Variants in KLF8 observed in about 807,000 individuals in gnomAD.
KLF8 encodes KLF transcription factor 8.
In KLF8, 10 loss-of-function variants were observed where a neutral mutation model predicts 18.2. The observed-to-expected ratio is 0.55, with a 90% CI of 0.34 to 0.93. KLF8 has a LOEUF of 0.93. Ranked by LOEUF, KLF8 falls within the 40% of genes least tolerant of loss-of-function variation. The probability of loss-of-function intolerance (pLI) is 0.02; values close to 1 mark genes in which losing one functional copy is unlikely to be tolerated. For missense variants in KLF8, 264 were observed against 277.9 expected (o/e 0.95, Z 0.36); for synonymous variants, 109 against 97.3 (o/e 1.12, Z -0.71).
chrX:56,210,234 T>C, the KLF8 span, among the ~76,000 whole-genome samples: 1 of 112,063 alleles, frequency 8.9e-6, no homozygotes, highest in African/African-American at 3.2e-5. Flanking sequence ...AGGTCTGGTA[T>C]TCATGAAATT....
chrX:55,935,844 A>G, the KLF8 span, among the ~76,000 whole-genome samples: 1 of 112,220 alleles, frequency 8.9e-6, no homozygotes, highest in Non-Finnish European at 1.9e-5. Flanking sequence ...CATATATACT[A>G]AAAGTATAAA....
At chrX:56,136,051 A>G in the KLF8 span, among the ~76,000 whole-genome samples, 1 of 111,497 alleles carries the variant, frequency 9.0e-6, no homozygotes, top group Non-Finnish European at 1.9e-5. Flanking sequence ...AAGGGATGTG[A>G]AGGACCTCTT....
At chrX:56,124,439 G>A in the KLF8 span, among the ~76,000 whole-genome samples, 6 of 112,215 alleles carry the variant, frequency 5.3e-5, no homozygotes, top group Non-Finnish European at 1.1e-4. Flanking sequence ...TCAGTGACCA[G>A]TCTCTTAACT....
At chrX:56,267,706 C>A (rs1330921297) in intron 3 of KLF8, 1 of 111,459 alleles carries the variant, frequency 9.0e-6, no homozygotes, top group Non-Finnish European at 1.9e-5. Context: ...ATGTTTTAAT[C>A]ATCTATAGCA....
chrX:56,173,404 G>C, the KLF8 span, among the ~76,000 whole-genome samples: 1 of 111,821 alleles, frequency 8.9e-6, no homozygotes, highest in Non-Finnish European at 1.9e-5. Context: ...AGATCAGATA[G>C]TGGTAGATAA....
At chrX:56,039,168 A>T in the KLF8 span, among the ~76,000 whole-genome samples, 2 of 112,174 alleles carry the variant, frequency 1.8e-5, no homozygotes, top group Admixed American at 9.5e-5. Flanking sequence ...TTCTTTGTTC[A>T]TGCTGATGAT....
At chrX:55,975,208 C>A in the KLF8 span, among the ~76,000 whole-genome samples, 1 of 110,728 alleles carries the variant, frequency 9.0e-6, no homozygotes, top group Non-Finnish European at 1.9e-5. Flanking sequence ...AAGGAACCAA[C>A]AAAGACAAAA....
the KLF8 span, among the ~76,000 whole-genome samples, chrX:56,131,316 G>T: frequency 2.7e-5 from 3 of 111,912 alleles, no homozygotes; most frequent in Non-Finnish European, 5.6e-5. Flanking sequence ...CAAGCTAGAA[G>T]GAGTTGGGGC....
At chrX:56,055,454 C>T in the KLF8 span, among the ~76,000 whole-genome samples, 6 of 111,724 alleles carry the variant, frequency 5.4e-5, no homozygotes, top group African/African-American at 1.9e-4. Context: ...ATTGGATTCC[C>T]TTTCTAGGTG....
At chrX:56,149,236 G>A in the KLF8 span, among the ~76,000 whole-genome samples, 2 of 111,716 alleles carry the variant, frequency 1.8e-5, no homozygotes, top group South Asian at 7.5e-4. Context: ...CGGATATTTA[G>A]ATATAAAAGT....
the KLF8 span, among the ~76,000 whole-genome samples, chrX:56,155,768 T>G: frequency 9.0e-6 from 1 of 111,433 alleles, no homozygotes; most frequent in Non-Finnish European, 1.9e-5. Flanking sequence ...ACCCTGATAG[T>G]GAACACAGTC....
At chrX:55,995,584 A>G in the KLF8 span, among the ~76,000 whole-genome samples, 1 of 112,175 alleles carries the variant, frequency 8.9e-6, no homozygotes, top group Non-Finnish European at 1.9e-5. Context: ...AGTGGTCACA[A>G]ATATCCTTAT....
chrX:55,940,814 C>G, the KLF8 span, among the ~76,000 whole-genome samples: 1 of 111,534 alleles, frequency 9.0e-6, no homozygotes, highest in South Asian at 3.8e-4. Flanking sequence ...ATCCAACTTG[C>G]AAGGGATGTG....
Position 56,291,144 on chromosome X carries a change from G to C in KLF8, c.*6650G>C, listed in dbSNP as rs766767253. 8.9e-6 allele frequency among the ~76,000 whole-genome samples: 1 copy of C among 111,780 alleles called. No homozygotes were observed. Among genetic ancestry groups the C allele is most frequent in the African/African-American group, 3.3e-5 (1 of 30,719 alleles). ...AAAGGAGCCTGCAGTGAAAGGATCA[G>C]TTGGATTTTTTGTCATTGTTAGTTT... On this transcript the variant is annotated 3_prime_UTR_variant, in exon 6 of 6. Transcript: ENST00000468660.
At chrX:55,957,498 AATATT>A in the KLF8 span, among the ~76,000 whole-genome samples, 25 of 112,019 alleles carry the variant, frequency 2.2e-4, 1 homozygote, top group Admixed American at 1.3e-3. Context: ...GCTTCTTAAC[AATATT>A]AAGTCTTCCA....
At chrX:56,262,685 GAC>G (rs1248801237) in intron 2 of KLF8, among the ~76,000 whole-genome samples, 1 of 110,595 alleles carries the variant, frequency 9.0e-6, no homozygotes, top group Non-Finnish European at 1.9e-5. Flanking sequence ...ATTTTTGTGT[GAC>G]AGAGTCTCAT....
At chrX:56,120,600 G>A in the KLF8 span, among the ~76,000 whole-genome samples, 1 of 111,403 alleles carries the variant, frequency 9.0e-6, no homozygotes, top group African/African-American at 3.3e-5. Flanking sequence ...GGTCTCTTAG[G>A]CCTTGGGATG....
upstream of KLF8, among the ~76,000 whole-genome samples, chrX:56,230,018 C>T (rs1226721333): frequency 8.9e-6 from 1 of 112,148 alleles, no homozygotes; most frequent in East Asian, 2.8e-4. Flanking sequence ...CTAAAACAAA[C>T]AAAAAGCTAG....
chrX:56,226,932 A>T, the KLF8 span, among the ~76,000 whole-genome samples: 1 of 112,525 alleles, frequency 8.9e-6, no homozygotes, highest in Non-Finnish European at 1.9e-5. Flanking sequence ...CCACAATGCA[A>T]GGCCATTTGG....
Sources: gnomAD v4.1 joint callset for allele counts (sites outside exome capture counted in the v4.1 genomes callset) on GRCh38, gnomAD v4.1.1 for gene constraint, MANE v1.5 for transcripts, NCBI Gene and HGNC (gene_info 2026-07-23, HGNC 2026-07-21) for gene names.